Variants in AAAS observed in about 807,000 individuals in gnomAD.
The protein encoded by AAAS is aladin WD repeat nucleoporin.
A neutral mutation model predicts 75.6 loss-of-function variants in AAAS; 60 were observed. That is an observed-to-expected ratio of 0.79 (90% CI 0.64 to 0.98). The LOEUF (loss-of-function observed/expected upper bound fraction) is 0.98, where lower values mean the gene tolerates loss of function less well. Ranked by LOEUF, AAAS falls within the 50% of genes least tolerant of loss-of-function variation. The probability of loss-of-function intolerance (pLI) is 0.00; values close to 1 mark genes in which losing one functional copy is unlikely to be tolerated. For synonymous variants in AAAS, 271 were observed against 265.0 expected (o/e 1.02, Z -0.22); for missense variants, 658 against 686.9 (o/e 0.96, Z 0.47).
At chr12:53,319,591 G>A (rs1243933824) in intron 2 of AAAS, among the ~76,000 whole-genome samples, 1 of 90,060 alleles carries the variant, frequency 1.1e-5, no homozygotes, top group Non-Finnish European at 2.5e-5. Flanking sequence ...GCAGGCCTGA[G>A]GTCAGGAGGC....
In AAAS at chr12:53,320,592, T is replaced by G. The variant is rs981527754; in HGVS notation, c.224A>C (p.Gln75Pro). 7 of 1,613,992 alleles carry G rather than the reference T, an allele frequency of 4.3e-6. No homozygotes were observed. The highest frequency in any genetic ancestry group is 5.9e-6 in the Non-Finnish European group (7 of 1,179,962). Residue 75 changes from glutamine (Q) to proline (P), a missense_variant, in exon 2 of 16, where the codon CAA (glutamine) becomes CCA (proline). Physicochemically the swap from Gln to Pro is moderately conservative, Grantham distance 76 (BLOSUM62 -1). Transcript: ENST00000209873. ...TRTAFIHHRE[Q>P]VWKRCINIWR... ...AATGTTGATGCATCTCTTCCACACT[T>G]GCTCCCGGTGATGGATGAAGGCAGT...
rs1410343423 is a variant in AAAS, at chr12:53,308,081, T to G, written c.1302A>C (p.Arg434=). Residue 434 remains arginine, a synonymous_variant, in exon 14 of 16, where the codon CGA becomes CGC. Transcript: ENST00000209873. ...GKPVILLFRT[R]NSPVFELLPC... ...GAAGGAGCTCAAACACAGGGCTGTT[T>G]CGAGTGCGAAAAAGGAGGATGACTG... The G allele has an allele frequency of 6.2e-7, 1 of 1,614,158 alleles. No homozygotes were observed. Among genetic ancestry groups the G allele is most frequent in the Non-Finnish European group, 8.5e-7 (1 of 1,180,024 alleles).
chr12:53,315,575 G>T, intron 3 of AAAS, 149 bp from the exon 4 acceptor site: 3 of 1,211,928 alleles, frequency 2.5e-6, no homozygotes, highest in Non-Finnish European at 3.6e-6. Context: ...ACCCACTCTG[G>T]ACACCCACTC....
intron 2 of AAAS, among the ~76,000 whole-genome samples, chr12:53,318,754 C>T (rs1039217649): frequency 5.3e-5 from 8 of 151,970 alleles, no homozygotes; most frequent in South Asian, 2.1e-4. Context: ...ATGAAGTCTG[C>T]GAAATATTCA....
At chr12:53,309,762 A>T in intron 7 of AAAS, 41 bp from the exon 8 acceptor site, 1 of 1,606,150 alleles carries the variant, frequency 6.2e-7, no homozygotes, top group Non-Finnish European at 8.5e-7. Flanking sequence ...GAAGATGACA[A>T]GAAGCCATCC....
rs773228879 is a variant in AAAS, at chr12:53,307,642, TGGGCTAAAACG to T, written c.1477_1487del (p.Arg493SerfsTer18). ...GGGGTTCCTGGGCCCGCCCAAGCAC[TGGGCTAAAACG>T]TGGAAACTGGGCATTGACAAAGTAC... is the stretch of plus-strand genomic sequence containing the variant. On this transcript the variant is annotated frameshift_variant, in exon 16 of 16. Coordinates refer to ENST00000209873, the MANE Select transcript of AAAS (RefSeq NM_015665.6). LOFTEE classifies it high-confidence loss of function. 3.1e-6 allele frequency: 5 copies of T among 1,614,044 alleles called. No individual in the cohort carries two copies. The highest frequency in any genetic ancestry group is 3.3e-4 in the Middle Eastern group (2 of 6,082).
chr12:53,308,004 A>G (rs1944318642), intron 14 of AAAS, 48 bp downstream of exon 14: 2 of 1,613,174 alleles, frequency 1.2e-6, no homozygotes, highest in South Asian at 2.2e-5. Flanking sequence ...TTGTTTGTGC[A>G]GGAAGGCTGG....
In AAAS at chr12:53,314,735, G is replaced by C. The variant is rs1299489009; in HGVS notation, c.545+16C>G. 10 of 1,610,696 alleles carry C rather than the reference G, an allele frequency of 6.2e-6. No individual in the cohort carries two copies. The highest frequency in any genetic ancestry group is 8.5e-6 in the Non-Finnish European group (10 of 1,178,200). On this transcript the variant is annotated intron_variant, in intron 6 of 15. Transcript: ENST00000209873. ...ATATTGACAAGTCAGAGCCCACCTG[G>C]TGTCCCCACACACACCTGCTGGCAT...
intron 3 of AAAS, 114 bp from the exon 4 acceptor site, chr12:53,315,540 G>A: frequency 3.3e-6 from 4 of 1,204,188 alleles, no homozygotes; most frequent in African/African-American, 3.0e-5. Context: ...TGCCCAGTAA[G>A]TGCTCTCAAC....
chr12:53,313,556 C>CACA (rs1944421536), intron 7 of AAAS, among the ~76,000 whole-genome samples: 1 of 149,692 alleles, frequency 6.7e-6, no homozygotes, highest in Non-Finnish European at 1.5e-5. Flanking sequence ...ACGCCTTGGC[C>CACA]TCCCAAAATG....
intron 4 of AAAS, 97 bp downstream of exon 4, chr12:53,315,238 T>C (rs1592519078): frequency 1.3e-6 from 2 of 1,595,184 alleles, no homozygotes; most frequent in Non-Finnish European, 8.6e-7. Flanking sequence ...CCCTCTGAAG[T>C]CATCACACCC....
chr12:53,315,638 G>A, intron 3 of AAAS, 89 bp downstream of exon 3: 4 of 1,494,752 alleles, frequency 2.7e-6, no homozygotes, highest in Non-Finnish European at 3.7e-6. Flanking sequence ...GCTAAAAGAG[G>A]CTGAGCCAAC....
chr12:53,308,952 CCT>C lies in AAAS; in HGVS notation c.996+6_996+7del, dbSNP rs777507615. ...CCCCAGTGTCTGTGAATCAGAGTCC[CCT>C]CTTACCTGACAGCGCCCTGATAGAG... On this transcript the variant is annotated splice_donor_region_variant and intron_variant, in intron 10 of 15. Transcript: ENST00000209873. 2 of 1,614,162 alleles carry C rather than the reference CCT, an allele frequency of 1.2e-6. No individual in the cohort carries two copies. Among genetic ancestry groups the C allele is most frequent in the South Asian group, 2.2e-5 (2 of 91,082 alleles).
In AAAS at chr12:53,308,967, C is replaced by G; in HGVS notation, c.989G>C (p.Arg330Pro). 6.2e-7 allele frequency: 1 copy of G among 1,614,188 alleles called. No individual in the cohort carries two copies. The highest frequency in any genetic ancestry group is 1.3e-5 in the African/African-American group (1 of 75,056). ...ATCAGAGTCCCCTCTTACCTGACAG[C>G]GCCCTGATAGAGTAGGCCACCTCTC... Reference protein sequence around the residue: ...TCERWPTLSGRCQTGCWSPDG... With the variant: ...TCERWPTLSGPCQTGCWSPDG... The change falls in exon 10 of 16, where the codon CGC (arginine) becomes CCC (proline). Residue 330 changes from arginine (R) to proline (P), a missense_variant. Arg to Pro is a moderately radical substitution (Grantham distance 103). Coordinates refer to ENST00000209873, the MANE Select transcript of AAAS (RefSeq NM_015665.6).
rs78667074 is a variant in AAAS, at chr12:53,314,653, T to C, written c.545+98A>G. On this transcript the variant is annotated intron_variant, in intron 6 of 15. Transcript: ENST00000209873. ...GACCCCAGTTCTGGAAGGAGCCCCA[T>C]GAATCAGGTTCAAGAACTACAGGAC... The C allele has an allele frequency of 0.043, 60,010 of 1,394,472 alleles. 1,579 individuals are homozygous for C. The highest frequency in any genetic ancestry group is 0.052 in the Non-Finnish European group (51,638 of 1,000,850). The allele number at this position is 1,394,472 out of a possible 1,614,324, so 86.4% of individuals were successfully genotyped here.
chr12:53,314,769 C>T lies in AAAS; in HGVS notation c.527G>A (p.Arg176His), dbSNP rs751153220. The T allele has an allele frequency of 9.9e-6, 16 of 1,613,610 alleles. No individual in the cohort carries two copies. In the African/African-American group the frequency reaches 1.1e-4, roughly 11 times the overall value. ...FAVALLDDSV[R>H]VYNASSTIVP... ...CACACACCTGCTGGCATTATACACA[C>T]GGACTGAGTCATCTAGCAGGGCCAC... The change falls in exon 6 of 16, where the codon CGT (arginine) becomes CAT (histidine). Residue 176 changes from arginine to histidine, a missense_variant. Transcript: ENST00000209873.
chr12:53,315,366 G>C lies in AAAS; in HGVS notation c.368C>G (p.Ser123Cys), dbSNP rs772533460. 1 of 1,614,172 alleles carries C rather than the reference G, an allele frequency of 6.2e-7. No individual in the cohort carries two copies. Among genetic ancestry groups the C allele is most frequent in the Non-Finnish European group, 8.5e-7 (1 of 1,180,038 alleles). The change falls in exon 4 of 16, where the codon TCC (serine) becomes TGC (cysteine). Residue 123 changes from serine (S) to cysteine (C), a missense_variant. Physicochemically the swap from Ser to Cys is moderately radical, Grantham distance 112 (BLOSUM62 -1). Coordinates refer to ENST00000209873, the MANE Select transcript of AAAS (RefSeq NM_015665.6). ...ATGGGGGAACAGGGACCCATGGAGG[G>C]AAGAGGCCCATCGACAGAGTGCCAG... ...WALALCRWASSLHGSLFPHLS... is the reference protein window; with the variant it reads ...WALALCRWASCLHGSLFPHLS...
rs372218457 is a variant in AAAS at position 53,308,074 on chromosome 12, G to A, written c.1309C>T (p.Pro437Ser). The A allele has an allele frequency of 6.2e-7, 1 of 1,614,088 alleles. No homozygotes were observed. Among genetic ancestry groups the A allele is most frequent in the Non-Finnish European group, 8.5e-7 (1 of 1,180,042 alleles). Residue 437 changes from proline to serine, a missense_variant, in exon 14 of 16, where the codon CCT (proline) becomes TCT (serine). Coordinates refer to ENST00000209873, the MANE Select transcript of AAAS (RefSeq NM_015665.6). Reference protein sequence around the residue: ...VILLFRTRNSPVFELLPCGII... With the variant: ...VILLFRTRNSSVFELLPCGII... ...TACCAGGGAAGGAGCTCAAACACAG[G>A]GCTGTTTCGAGTGCGAAAAAGGAGG...
rs758819643 is a variant in AAAS, at chr12:53,315,119, C to T, written c.421G>A (p.Ala141Thr). ...CAATTTGTGACTTGGGCAAATTCAG[C>T]GATCAGATCTTCGCTCCTGAGCTGT... ...HLSLRSEDLI[A>T]EFAQVTNWSS... Residue 141 changes from alanine to threonine, a missense_variant, in exon 5 of 16, where the codon GCT becomes ACT. Transcript: ENST00000209873. 9.9e-6 allele frequency: 16 copies of T among 1,614,010 alleles called. No homozygotes were observed. Among genetic ancestry groups the T allele is most frequent in the South Asian group, 2.2e-5 (2 of 91,086 alleles).
Sources: gnomAD v4.1 joint callset for allele counts (sites outside exome capture counted in the v4.1 genomes callset) on GRCh38, gnomAD v4.1.1 for gene constraint, MANE v1.5 for transcripts, NCBI Gene and HGNC (gene_info 2026-07-23, HGNC 2026-07-21) for gene names.